CNGB3: variants seen among roughly 807,000 people sequenced by gnomAD.
The protein encoded by CNGB3 is cyclic nucleotide-gated channel beta-3.
In CNGB3, 86 loss-of-function variants were observed where a neutral mutation model predicts 92.8. That is an observed-to-expected ratio of 0.93 (90% CI 0.78 to 1.11). CNGB3 has a LOEUF of 1.11. Among genes scored for constraint, CNGB3 ranks in the 50% least tolerant of loss-of-function variants. The probability of loss-of-function intolerance (pLI) is 0.00; values close to 1 mark genes in which losing one functional copy is unlikely to be tolerated. For missense variants in CNGB3, 1,026 were observed against 956.8 expected (o/e 1.07, Z -0.95); for synonymous variants, 333 against 332.7 (o/e 1.00, Z -0.01).
intron 2 of CNGB3, among the ~76,000 whole-genome samples, chr8:86,726,942 G>C (rs563332484): frequency 2.0e-4 from 31 of 152,226 alleles, no homozygotes; most frequent in African/African-American, 7.5e-4. Flanking sequence ...ACATCATAGA[G>C]TGTACTTATA....
chr8:86,728,232 T>A (rs1306884008), intron 2 of CNGB3, among the ~76,000 whole-genome samples: 2 of 152,176 alleles, frequency 1.3e-5, no homozygotes, highest in Non-Finnish European at 2.9e-5. Context: ...AATCACATCC[T>A]TGAAGCCTGC....
intron 14 of CNGB3, among the ~76,000 whole-genome samples, chr8:86,607,887 C>T (rs1053057050): frequency 1.4e-4 from 21 of 152,202 alleles, no homozygotes; most frequent in East Asian, 3.9e-4. Context: ...TTTGTGAAAA[C>T]GATAAGCAAA....
intron 2 of CNGB3, among the ~76,000 whole-genome samples, chr8:86,734,408 C>T (rs1825209990): frequency 6.6e-6 from 1 of 152,058 alleles, no homozygotes; most frequent in South Asian, 2.1e-4. Flanking sequence ...GTTTACAAAA[C>T]AAAGACTGGG....
At chr8:86,611,452 G>C in intron 14 of CNGB3, 136 bp downstream of exon 14, 1 of 712,780 alleles carries the variant, frequency 1.4e-6, no homozygotes, top group Non-Finnish European at 2.6e-6. Flanking sequence ...TTGCTGTACA[G>C]AGCTATATAT....
At position 86,698,468 on chromosome 8, in the gene CNGB3, C is replaced by T. The variant is rs545460593; in HGVS notation, c.339-27370G>A. 2.0e-5 allele frequency among the ~76,000 whole-genome samples: 3 copies of T among 152,240 alleles called. No homozygotes were observed. In the East Asian group the frequency reaches 5.8e-4, roughly 29 times the overall value. On this transcript the variant is annotated intron_variant, in intron 3 of 17. Transcript: ENST00000320005. ...CATTTTTATACAAAGATAGAGAAAA[C>T]AATCGCCTATGGAATTTGATTCCTT...
chr8:86,668,252 C>T lies in CNGB3; in HGVS notation c.494-84G>A, dbSNP rs115695942. 827 of 1,386,656 alleles carry T rather than the reference C, an allele frequency of 6.0e-4. No homozygotes were observed. The African/African-American group carries it at 0.01, about 17-fold the overall frequency. The allele number at this position is 1,386,656 out of a possible 1,614,324, so 85.9% of individuals were successfully genotyped here. A position where few individuals can be genotyped will look rare whatever the true frequency, so the allele number is the denominator to read the frequency against. On this transcript the variant is annotated intron_variant, in intron 4 of 17. Coordinates refer to ENST00000320005, the MANE Select transcript of CNGB3 (RefSeq NM_019098.5). Reference sequence around the variant, plus strand: ...AAACTTGAATTTCTTAACCAAACACCGCATGTTCTCACTCATAAGTGGGAG... The same window carrying T: ...AAACTTGAATTTCTTAACCAAACACTGCATGTTCTCACTCATAAGTGGGAG...
intron 13 of CNGB3, among the ~76,000 whole-genome samples, chr8:86,619,728 C>CTT (rs71275868): frequency 0.12 from 8,489 of 73,406 alleles, 768 homozygotes; most frequent in Non-Finnish European, 0.13. Context: ...TGGTCTTGAC[C>CTT]TTTTTTTTTT....
At chr8:86,681,627 AG>A (rs1406707720) in intron 3 of CNGB3, among the ~76,000 whole-genome samples, 1 of 152,310 alleles carries the variant, frequency 6.6e-6, no homozygotes, top group Non-Finnish European at 1.5e-5. Flanking sequence ...ACCAGCGGTG[AG>A]TGAAATGAAT....
intron 6 of CNGB3, chr8:86,661,686 C>G: frequency 9.2e-6 from 10 of 1,087,318 alleles, no homozygotes; most frequent in Non-Finnish European, 1.4e-5. Flanking sequence ...TCCTCTTCTT[C>G]TGAAGTCACT....
chr8:86,742,063 A>C (rs1283341170), intron 1 of CNGB3, among the ~76,000 whole-genome samples: 2 of 152,214 alleles, frequency 1.3e-5, no homozygotes, highest in African/African-American at 2.4e-5. Context: ...TGTTGTGAGG[A>C]TTAAATACAG....
intron 6 of CNGB3, among the ~76,000 whole-genome samples, chr8:86,666,437 C>T (rs1183668336): frequency 6.6e-6 from 1 of 152,220 alleles, no homozygotes; most frequent in Non-Finnish European, 1.5e-5. Flanking sequence ...GGCTCAGCTA[C>T]TATCCAGCTT....
rs116366276 is a variant in CNGB3, at chr8:86,728,843, A to T, written c.212-2186T>A. Among the ~76,000 whole-genome samples the T allele has an allele frequency of 2.6e-3, 401 of 152,358 alleles. 3 individuals carry two copies. Among genetic ancestry groups the T allele is most frequent in the African/African-American group, 9.0e-3 (376 of 41,592 alleles). ...AGAATATGAAATATGAGTAAAAATC[A>T]GAAAAAAATCCTGAATGTAAAACAA... On this transcript the variant is annotated intron_variant, in intron 2 of 17. Transcript: ENST00000320005.
At chr8:86,644,522 C>T in intron 9 of CNGB3, 100 bp downstream of exon 9, 1 of 1,474,782 alleles carries the variant, frequency 6.8e-7, no homozygotes, top group Non-Finnish European at 9.2e-7. Flanking sequence ...AAATTATATC[C>T]TTTTTTTGAA....
At chr8:86,721,196 C>T (rs1254356683) in intron 3 of CNGB3, among the ~76,000 whole-genome samples, 1 of 152,016 alleles carries the variant, frequency 6.6e-6, no homozygotes, top group Non-Finnish European at 1.5e-5. Flanking sequence ...ACATTGCTGA[C>T]CTCAAGTGAT....
chr8:86,661,724 A>G (rs550480402), intron 6 of CNGB3: 2 of 1,500,488 alleles, frequency 1.3e-6, no homozygotes, highest in South Asian at 2.3e-5. Flanking sequence ...ACCCATGGGT[A>G]GTGGTTGATC....
chr8:86,632,952 T>C, intron 10 of CNGB3, 59 bp from the exon 11 acceptor site: 1 of 1,474,710 alleles, frequency 6.8e-7, no homozygotes, highest in Non-Finnish European at 9.5e-7. Context: ...AGACCACTAT[T>C]CTTGGGAGAA....
chr8:86,588,877 C>T (rs1821957551), intron 15 of CNGB3, among the ~76,000 whole-genome samples: 1 of 151,744 alleles, frequency 6.6e-6, no homozygotes. Context: ...AGGATTCCCT[C>T]TTTTTCTATT....
chr8:86,597,061 A>G (rs1822187004), intron 15 of CNGB3, among the ~76,000 whole-genome samples: 1 of 152,112 alleles, frequency 6.6e-6, no homozygotes, highest in Non-Finnish European at 1.5e-5. Context: ...GCATTAGGAG[A>G]AATACCTAAT....
At chr8:86,618,207 T>G (rs1822654035) in intron 13 of CNGB3, among the ~76,000 whole-genome samples, 1 of 152,210 alleles carries the variant, frequency 6.6e-6, no homozygotes, top group Non-Finnish European at 1.5e-5. Flanking sequence ...TAAATACAGA[T>G]GAAGCTGCTC....
Sources: allele counts gnomAD v4.1 joint callset (sites outside exome capture counted in the v4.1 genomes callset), GRCh38; gene constraint gnomAD v4.1.1; transcripts MANE v1.5; gene names NCBI Gene and HGNC (gene_info 2026-07-23, HGNC 2026-07-21).